NRG4: variants seen among roughly 807,000 people sequenced by gnomAD.
NRG4 encodes pro-neuregulin-4, membrane-bound isoform.
In NRG4, 10 loss-of-function variants were observed where a neutral mutation model predicts 15.0. That is an observed-to-expected ratio of 0.67 (90% CI 0.41 to 1.13). The LOEUF (loss-of-function observed/expected upper bound fraction) is 1.13. Ranked by LOEUF, NRG4 falls within the 50% of genes most tolerant of loss-of-function variation. The pLI, the probability that NRG4 is intolerant of heterozygous loss-of-function variation, is 0.00. For synonymous variants in NRG4, 41 were observed against 50.1 expected (o/e 0.82, Z 0.77); for missense variants, 139 against 140.2 (o/e 0.99, Z 0.04).
At chr15:76,059,178 T>A (rs183005841) in intron 1 of NRG4, among the ~76,000 whole-genome samples, 2 of 152,324 alleles carry the variant, frequency 1.3e-5, no homozygotes, top group Admixed American at 6.5e-5. Context: ...AAGAGTCAGA[T>A]AACGAAAAAC....
chr15:75,972,634 C>T (rs1159153125), intron 3 of NRG4, among the ~76,000 whole-genome samples: 1 of 152,140 alleles, frequency 6.6e-6, no homozygotes. Context: ...AGAATCCTTT[C>T]CCCCTTACTT....
chr15:76,009,167 A>G, intron 3 of NRG4, 33 bp downstream of exon 3: 1 of 998,330 alleles, frequency 1.0e-6, no homozygotes, highest in Non-Finnish European at 1.6e-6. Context: ...TAAAAAATAA[A>G]GTTAACATCT....
rs541193345 is a variant in NRG4, at chr15:75,988,162, C to T, written c.104+21038G>A. Among the ~76,000 whole-genome samples the T allele has an allele frequency of 1.5e-3, 229 of 152,236 alleles. 3 individuals carry two copies. The South Asian group carries it at 0.028, about 19-fold the overall frequency. ...TACAGCATGTGTCAGAGGATGCCGACGTCAAAGAGGTTGACTGTTATACAA... is the reference window on the plus strand; with the variant it reads ...TACAGCATGTGTCAGAGGATGCCGATGTCAAAGAGGTTGACTGTTATACAA... On this transcript the variant is annotated intron_variant, in intron 3 of 5. Transcript: ENST00000394907.
intron 3 of NRG4, among the ~76,000 whole-genome samples, chr15:75,967,454 A>G (rs1333612194): frequency 2.4e-5 from 3 of 123,308 alleles, no homozygotes; most frequent in Non-Finnish European, 3.4e-5. Flanking sequence ...GCAAAATCTT[A>G]GATTTTTTTT....
At chr15:76,017,372 T>G (rs567884101), upstream of NRG4, among the ~76,000 whole-genome samples, 106 of 152,138 alleles carry the variant, frequency 7.0e-4, no homozygotes, top group Non-Finnish European at 1.4e-3. Context: ...GTGAATTTGA[T>G]CCTATCATTA....
chr15:75,999,407 G>T (rs1324021713), intron 3 of NRG4, among the ~76,000 whole-genome samples: 1 of 152,156 alleles, frequency 6.6e-6, no homozygotes, highest in Non-Finnish European at 1.5e-5. Flanking sequence ...TTATAAAAAG[G>T]CTAAAGGAAA....
intron 4 of NRG4, among the ~76,000 whole-genome samples, chr15:76,045,950 AC>A (rs1158923187): frequency 1.3e-5 from 2 of 151,074 alleles, no homozygotes; most frequent in Non-Finnish European, 2.9e-5. Flanking sequence ...ATTGTTTGTA[AC>A]ACACAGGATA....
chr15:76,016,248 G>T (rs953815656), upstream of NRG4, among the ~76,000 whole-genome samples: 1 of 151,022 alleles, frequency 6.6e-6, no homozygotes, highest in South Asian at 2.1e-4. Flanking sequence ...TTCTTTATTA[G>T]TCTAGCAGTC....
chr15:76,047,134 G>GGGGAT (rs530100322), intron 4 of NRG4, among the ~76,000 whole-genome samples: 2 of 150,788 alleles, frequency 1.3e-5, no homozygotes, highest in East Asian at 3.9e-4. Flanking sequence ...AGATACTGGT[G>GGGGAT]GGGATGTAGA....
intron 3 of NRG4, among the ~76,000 whole-genome samples, chr15:75,992,921 T>C (rs1226419282): frequency 2.0e-5 from 3 of 152,148 alleles, no homozygotes; most frequent in Non-Finnish European, 2.9e-5. Flanking sequence ...GGACACTTTT[T>C]TTTTTTACCA....
At chr15:75,952,875 T>C (rs549111118) in intron 5 of NRG4, among the ~76,000 whole-genome samples, 4 of 152,322 alleles carry the variant, frequency 2.6e-5, no homozygotes, top group Admixed American at 1.3e-4. Flanking sequence ...GTAAATATTG[T>C]TTATATATTC....
At chr15:76,046,625 T>C (rs2141959923) in intron 4 of NRG4, among the ~76,000 whole-genome samples, 1 of 151,172 alleles carries the variant, frequency 6.6e-6, no homozygotes, top group Admixed American at 6.6e-5. Flanking sequence ...GCAGAAGAAT[T>C]TAACTAGACC....
At chr15:75,996,375 C>G (rs1197834740) in intron 3 of NRG4, among the ~76,000 whole-genome samples, 1 of 152,066 alleles carries the variant, frequency 6.6e-6, no homozygotes, top group Non-Finnish European at 1.5e-5. Context: ...CTAGATATAC[C>G]AACTTCATTG....
intron 5 of NRG4, among the ~76,000 whole-genome samples, chr15:76,020,628 T>A (rs1343771379): frequency 3.9e-5 from 6 of 152,322 alleles, no homozygotes; most frequent in Middle Eastern, 3.4e-3. Flanking sequence ...AAAAATCTTA[T>A]AATGTTTTAA....
At chr15:75,955,071 A>G (rs1175807939) in intron 5 of NRG4, among the ~76,000 whole-genome samples, 1 of 152,008 alleles carries the variant, frequency 6.6e-6, no homozygotes, top group East Asian at 1.9e-4. Context: ...AATACTGGGC[A>G]CCTCTAATCC....
intron 5 of NRG4, among the ~76,000 whole-genome samples, chr15:76,030,016 T>G (rs2035431399): frequency 6.6e-6 from 1 of 152,106 alleles, no homozygotes; most frequent in African/African-American, 2.4e-5. Context: ...CCCAGCACTT[T>G]GGGAGGCCAA....
intron 4 of NRG4, among the ~76,000 whole-genome samples, chr15:76,044,963 A>G (rs909154907): frequency 8.0e-5 from 12 of 150,900 alleles, no homozygotes; most frequent in African/African-American, 3.0e-4. Flanking sequence ...AACAATCAAC[A>G]AAAGGCTTCT....
chr15:75,938,040 C>T (rs1184731916), downstream of NRG4: 1 of 152,160 alleles, frequency 6.6e-6, no homozygotes, highest in African/African-American at 2.4e-5. Flanking sequence ...GTTCTAAGAC[C>T]CAAGCTTTCA....
At chr15:76,018,637 G>T (rs1016798378) in intron 5 of NRG4, among the ~76,000 whole-genome samples, 4 of 152,238 alleles carry the variant, frequency 2.6e-5, no homozygotes, top group Admixed American at 2.0e-4. Flanking sequence ...GACCCTGTTT[G>T]TCTGGGTATC....
Sources: allele counts gnomAD v4.1 joint callset (sites outside exome capture counted in the v4.1 genomes callset), GRCh38; gene constraint gnomAD v4.1.1; transcripts MANE v1.5; gene names NCBI Gene and HGNC (gene_info 2026-07-23, HGNC 2026-07-21).